The following TENM4 variants were observed in gnomAD, a reference collection of about 807,000 sequenced individuals.
The protein encoded by TENM4 is teneurin-4.
TENM4 carries 82 observed loss-of-function variants against 243.3 expected under a neutral mutation model. The observed-to-expected ratio is 0.34, with a 90% CI of 0.28 to 0.40. The LOEUF (loss-of-function observed/expected upper bound fraction) is 0.40. Ranked by LOEUF, TENM4 falls within the 10% of genes least tolerant of loss-of-function variation. The pLI is 1.00. For missense variants in TENM4, 3,138 were observed against 3,673.3 expected (o/e 0.85, Z 3.77); for synonymous variants, 1,412 against 1,456.3 (o/e 0.97, Z 0.69).
At chr11:79,061,466 G>A (rs1163981471) in intron 6 of TENM4, among the ~76,000 whole-genome samples, 1 of 152,182 alleles carries the variant, frequency 6.6e-6, no homozygotes, top group African/African-American at 2.4e-5. Context: ...CGATCACAAA[G>A]AAATGACAAC....
At chr11:78,960,883 G>A (rs543573234) in intron 6 of TENM4, among the ~76,000 whole-genome samples, 3 of 152,320 alleles carry the variant, frequency 2.0e-5, no homozygotes, top group Admixed American at 6.5e-5. Flanking sequence ...AAATCCCCTA[G>A]AGGCAGGTGG....
At position 78,655,494 on chromosome 11, in the gene TENM4, TAGTG is replaced by T. The variant is rs1857868538; in HGVS notation, c.*2560_*2563del. ...GAGTTTGAGAACAGCCTGGGCAACATAGTGAGACCCCATCTCTATGAAAAAAAAA... is the reference window on the plus strand; with the variant it reads ...GAGTTTGAGAACAGCCTGGGCAACATAGACCCCATCTCTATGAAAAAAAAA... On this transcript the variant is annotated 3_prime_UTR_variant, in exon 34 of 34. Transcript: ENST00000278550. The T allele has an allele frequency of 6.7e-6, 1 of 149,626 alleles. No individual in the cohort carries two copies. Among genetic ancestry groups the T allele is most frequent in the Admixed American group, 6.7e-5 (1 of 14,986 alleles). 9.3% of individuals were successfully genotyped at this position (149,626 alleles called of 1,614,324 possible).
At chr11:78,779,980 T>C (rs1280528689) in intron 16 of TENM4, among the ~76,000 whole-genome samples, 1 of 152,250 alleles carries the variant, frequency 6.6e-6, no homozygotes, top group African/African-American at 2.4e-5. Context: ...GTGTGGTCTC[T>C]GGTTCAAGAT....
At chr11:78,707,526 A>T (rs574212950) in intron 27 of TENM4, among the ~76,000 whole-genome samples, 1 of 152,210 alleles carries the variant, frequency 6.6e-6, no homozygotes, top group Non-Finnish European at 1.5e-5. Flanking sequence ...GCTTCCAAGC[A>T]CCCTATGCTA....
chr11:79,290,780 C>T (rs75144983), intron 2 of TENM4, among the ~76,000 whole-genome samples: 1,546 of 152,212 alleles, frequency 0.01, 32 homozygotes, highest in African/African-American at 0.035. Flanking sequence ...ATTCTGTGTT[C>T]CCTCATCTGT....
In TENM4 at chr11:78,854,193, A is replaced by G. The variant is rs1245094838; in HGVS notation, c.1592T>C (p.Ile531Thr). 71 of 1,551,592 alleles carry G rather than the reference A, an allele frequency of 4.6e-5. 1 individual carries two copies. Among genetic ancestry groups the G allele is most frequent in the Non-Finnish European group, 6.0e-5 (69 of 1,146,982 alleles). The part of the protein sequence containing the change: ...VPPSSHETGF[I>T]QYLDSGIWHL... ...CCAGATTCCTGAATCCAAATACTGG[A>G]TGAAGCCTGTCTCATGGCTGGAGGG... The change falls in exon 12 of 34, where the codon ATC becomes ACC. Residue 531 changes from isoleucine to threonine, a missense_variant. This residue lies in a region of TENM4 where 2,467 missense variants were observed against 3,059.1 expected (regional missense o/e 0.81). Transcript: ENST00000278550.
intron 29 of TENM4, among the ~76,000 whole-genome samples, chr11:78,676,870 T>G (rs1590932962): frequency 6.6e-6 from 1 of 152,300 alleles, no homozygotes; most frequent in East Asian, 1.9e-4. Flanking sequence ...TTATTCTAAG[T>G]GAAAAAGAAG....
At chr11:78,754,808 G>T (rs1253099007) in intron 19 of TENM4, among the ~76,000 whole-genome samples, 2 of 152,196 alleles carry the variant, frequency 1.3e-5, no homozygotes, top group Non-Finnish European at 2.9e-5. Context: ...TAACCTCTCA[G>T]CTTCTCAGTA....
intron 2 of TENM4, among the ~76,000 whole-genome samples, chr11:79,241,041 C>T (rs1426936234): frequency 2.0e-5 from 3 of 152,050 alleles, no homozygotes; most frequent in African/African-American, 7.2e-5. Context: ...AAGAAGCACA[C>T]ACACAAAGTA....
intron 32 of TENM4, among the ~76,000 whole-genome samples, chr11:78,664,921 T>C (rs1286828028): frequency 6.6e-6 from 1 of 152,222 alleles, no homozygotes; most frequent in African/African-American, 2.4e-5. Flanking sequence ...TGGAAAACTT[T>C]CCTATTTTGC....
At position 78,712,714 on chromosome 11, in the gene TENM4, A is replaced by G; in HGVS notation, c.3822T>C (p.Ser1274=). The G allele has an allele frequency of 6.2e-7, 1 of 1,612,726 alleles. No individual in the cohort carries two copies. The highest frequency in any genetic ancestry group is 1.1e-5 in the South Asian group (1 of 91,064). Residue 1274 remains serine (S), a splice_region_variant and synonymous_variant, in exon 26 of 34, where the codon AGT becomes AGC. Coordinates refer to ENST00000278550, the MANE Select transcript of TENM4 (RefSeq NM_001098816.3). ...LELRNKDFRH[S]HSPAHKYYLA... The stretch of plus-strand genomic sequence containing the variant: ...GGTAGTATTTGTGTGCTGGACTGTG[A>G]CTAGAAAACAAAGACATGGCCAACT...
intron 1 of TENM4, among the ~76,000 whole-genome samples, chr11:79,335,742 G>C (rs1285560973): frequency 2.0e-5 from 3 of 152,170 alleles, no homozygotes; most frequent in Non-Finnish European, 2.9e-5. Context: ...GACATGGTCT[G>C]GGAAAATGTT....
intron 1 of TENM4, among the ~76,000 whole-genome samples, chr11:79,312,130 T>C (rs1856732240): frequency 6.6e-6 from 1 of 152,180 alleles, no homozygotes; most frequent in Non-Finnish European, 1.5e-5. Context: ...GCTGGCCTTG[T>C]TCTCTCCCAT....
chr11:79,092,175 C>T (rs979536006), intron 4 of TENM4, among the ~76,000 whole-genome samples: 4 of 152,282 alleles, frequency 2.6e-5, no homozygotes, highest in Non-Finnish European at 5.9e-5. Context: ...TGCTGCCAGG[C>T]ACTGGGGATG....
chr11:79,120,248 A>G (rs1388762740), intron 4 of TENM4, among the ~76,000 whole-genome samples: 1 of 152,234 alleles, frequency 6.6e-6, no homozygotes, highest in Non-Finnish European at 1.5e-5. Context: ...AGGACCATCT[A>G]CTTCCCTAAG....
intron 1 of TENM4, among the ~76,000 whole-genome samples, chr11:79,417,374 G>A (rs1858839508): frequency 6.6e-6 from 1 of 152,154 alleles, no homozygotes; most frequent in African/African-American, 2.4e-5. Context: ...GCTCAAAGGG[G>A]ACTGGTCCCT....
chr11:78,671,879 G>A (rs1439994836), intron 31 of TENM4, among the ~76,000 whole-genome samples, 154 bp downstream of exon 31: 1 of 152,240 alleles, frequency 6.6e-6, no homozygotes, highest in Non-Finnish European at 1.5e-5. Flanking sequence ...GATGCCTCTT[G>A]GGACCCCATG....
chr11:78,786,815 C>T (rs1013051175), intron 16 of TENM4, 83 bp downstream of exon 16: 1 of 1,532,146 alleles, frequency 6.5e-7, no homozygotes, highest in African/African-American at 1.4e-5. Context: ...GCGATGAGGG[C>T]CCAGGCTGGC....
intron 26 of TENM4, among the ~76,000 whole-genome samples, chr11:78,710,479 C>T (rs1054422823): frequency 6.6e-6 from 1 of 152,232 alleles, no homozygotes; most frequent in Non-Finnish European, 1.5e-5. Flanking sequence ...CAGGCAGCCT[C>T]AAGGCTGGGA....
Sources: allele counts gnomAD v4.1 joint callset (sites outside exome capture counted in the v4.1 genomes callset), GRCh38; gene constraint gnomAD v4.1.1; regional missense constraint gnomAD v4.1.1; transcripts MANE v1.5; gene names NCBI Gene and HGNC (gene_info 2026-07-23, HGNC 2026-07-21).